The following TTC29 variants were observed in gnomAD, a reference collection of about 807,000 sequenced individuals.
TTC29 encodes tetratricopeptide repeat protein 29.
Under a neutral mutation model 58.1 loss-of-function variants are expected in TTC29, and 49 were observed. The ratio of observed to expected loss-of-function variants is 0.84; its 90% CI spans 0.67 to 1.07. TTC29 has a LOEUF of 1.07. Among genes scored for constraint, TTC29 ranks in the 50% least tolerant of loss-of-function variants. The probability of loss-of-function intolerance (pLI) is 0.00; values close to 1 mark genes in which losing one functional copy is unlikely to be tolerated. For missense variants in TTC29, 582 were observed against 555.6 expected, an observed-to-expected ratio of 1.05 and a Z score of -0.48; for synonymous variants, 209 against 196.8, an observed-to-expected ratio of 1.06 and a Z score of -0.52.
At chr4:146,721,240 T>C (rs1308318320) in intron 11 of TTC29, among the ~76,000 whole-genome samples, 8 of 152,136 alleles carry the variant, frequency 5.3e-5, no homozygotes, top group African/African-American at 1.9e-4. Context: ...TCAGGTTCCT[T>C]AACAGCTTAA....
intron 8 of TTC29, among the ~76,000 whole-genome samples, chr4:146,843,334 T>A (rs928646373): frequency 6.6e-6 from 1 of 152,174 alleles, no homozygotes; most frequent in Non-Finnish European, 1.5e-5. Flanking sequence ...ACAAAAGTGG[T>A]TACATCTTTT....
At chr4:146,739,941 A>C (rs1193825802) in intron 11 of TTC29, among the ~76,000 whole-genome samples, 1 of 152,162 alleles carries the variant, frequency 6.6e-6, no homozygotes, top group African/African-American at 2.4e-5. Context: ...AGAAATATGA[A>C]TAGAAGTGTG....
At chr4:146,932,623 A>C (rs1735427188) in intron 4 of TTC29, among the ~76,000 whole-genome samples, 1 of 152,214 alleles carries the variant, frequency 6.6e-6, no homozygotes, top group African/African-American at 2.4e-5. Context: ...TAGTTCATAA[A>C]AGCATCTTTG....
chr4:146,762,974 C>T (rs1747019603), intron 11 of TTC29, among the ~76,000 whole-genome samples: 1 of 151,922 alleles, frequency 6.6e-6, no homozygotes, highest in South Asian at 2.1e-4. Flanking sequence ...TAGTCAATTC[C>T]CTAGGGCGGA....
At chr4:146,912,724 G>A (rs1181588159) in intron 4 of TTC29, among the ~76,000 whole-genome samples, 1 of 152,172 alleles carries the variant, frequency 6.6e-6, no homozygotes, top group Non-Finnish European at 1.5e-5. Flanking sequence ...GAAGGGAGGG[G>A]AGGAGGGTAA....
intron 11 of TTC29, among the ~76,000 whole-genome samples, chr4:146,737,157 G>A (rs1744763319): frequency 6.6e-6 from 1 of 152,094 alleles, no homozygotes; most frequent in African/African-American, 2.4e-5. Flanking sequence ...GTTTTTACTG[G>A]GCAGTGACCA....
chr4:146,810,758 T>C (rs1001410685), intron 10 of TTC29, among the ~76,000 whole-genome samples: 1 of 151,984 alleles, frequency 6.6e-6, no homozygotes, highest in Non-Finnish European at 1.5e-5. Context: ...GCTCAGTTAA[T>C]TTTTTATATG....
chr4:146,803,190 A>C (rs1316876767), intron 11 of TTC29, among the ~76,000 whole-genome samples: 2 of 152,148 alleles, frequency 1.3e-5, no homozygotes, highest in Non-Finnish European at 1.5e-5. Context: ...ATTGTTGACT[A>C]AGATAACTGG....
chr4:146,854,583 C>T (rs1266627293), intron 8 of TTC29, among the ~76,000 whole-genome samples: 3 of 152,260 alleles, frequency 2.0e-5, no homozygotes, highest in South Asian at 2.1e-4. Flanking sequence ...TACTCCCTTT[C>T]CCCTCCATAA....
intron 6 of TTC29, among the ~76,000 whole-genome samples, chr4:146,889,020 C>T (rs1357368834): frequency 6.6e-6 from 1 of 152,188 alleles, no homozygotes; most frequent in African/African-American, 2.4e-5. Context: ...TTGAGTGATG[C>T]TCAAATGTCA....
At chr4:146,730,031 C>G (rs1468256603) in intron 11 of TTC29, among the ~76,000 whole-genome samples, 1 of 152,078 alleles carries the variant, frequency 6.6e-6, no homozygotes, top group East Asian at 1.9e-4. Context: ...TTATTCTTTA[C>G]ATACTAACTT....
intron 4 of TTC29, among the ~76,000 whole-genome samples, chr4:146,917,291 G>C (rs1240905058): frequency 6.7e-6 from 1 of 149,106 alleles, no homozygotes; most frequent in East Asian, 2.0e-4. Flanking sequence ...AAAGAATATT[G>C]AACATATAAT....
intron 11 of TTC29, among the ~76,000 whole-genome samples, chr4:146,781,413 A>C (rs531925317): frequency 8.5e-4 from 129 of 152,066 alleles, no homozygotes; most frequent in Middle Eastern, 3.4e-3. Context: ...AGGCTCCTGA[A>C]ACTGAGATTT....
At chr4:146,730,029 T>C (rs1744211712) in intron 11 of TTC29, among the ~76,000 whole-genome samples, 1 of 152,108 alleles carries the variant, frequency 6.6e-6, no homozygotes, top group Non-Finnish European at 1.5e-5. Flanking sequence ...TATTATTCTT[T>C]ACATACTAAC....
chr4:146,886,426 AC>A (rs566050469), intron 6 of TTC29, among the ~76,000 whole-genome samples: 207 of 152,238 alleles, frequency 1.4e-3, no homozygotes, highest in African/African-American at 4.5e-3. Flanking sequence ...TTCTTAAAAA[AC>A]CATCCTTTAT....
chr4:146,814,979 G>A lies in TTC29; in HGVS notation c.1101+5146C>T, dbSNP rs1411180799. Among the ~76,000 whole-genome samples the A allele has an allele frequency of 3.3e-5, 5 of 152,166 alleles. No individual in the cohort carries two copies. The East Asian group carries it at 9.7e-4, about 29-fold the overall frequency. On this transcript the variant is annotated intron_variant, in intron 10 of 12. Transcript: ENST00000325106. ...GCTATGGTGGAGTGGATAAAAAGGAGTAGGAAGCAATGAGGTCAGAGATAG... is the reference window on the plus strand; with the variant it reads ...GCTATGGTGGAGTGGATAAAAAGGAATAGGAAGCAATGAGGTCAGAGATAG...
chr4:146,727,263 C>T (rs1743861935), intron 11 of TTC29, among the ~76,000 whole-genome samples: 1 of 152,084 alleles, frequency 6.6e-6, no homozygotes, highest in South Asian at 2.1e-4. Flanking sequence ...GTACAGAGTT[C>T]CCATATACCA....
intron 4 of TTC29, among the ~76,000 whole-genome samples, chr4:146,923,068 G>A (rs1225299140): frequency 4.6e-5 from 7 of 151,682 alleles, no homozygotes; most frequent in South Asian, 4.2e-4. Flanking sequence ...GCATTGAAAC[G>A]GATAAAAAAT....
At chr4:146,813,375 C>G (rs1197303531) in intron 10 of TTC29, among the ~76,000 whole-genome samples, 1 of 152,196 alleles carries the variant, frequency 6.6e-6, no homozygotes, top group Admixed American at 6.5e-5. Flanking sequence ...TTTCAATTAA[C>G]AGTCCATCAA....
Sources: allele counts gnomAD v4.1 joint callset (sites outside exome capture counted in the v4.1 genomes callset), GRCh38; gene constraint gnomAD v4.1.1; transcripts MANE v1.5; gene names NCBI Gene and HGNC (gene_info 2026-07-23, HGNC 2026-07-21).